The following CLSPN variants were observed in gnomAD, a reference collection of about 807,000 sequenced individuals.
CLSPN encodes the protein claspin homolog.
CLSPN carries 85 observed loss-of-function variants against 156.3 expected under a neutral mutation model. The ratio of observed to expected loss-of-function variants is 0.54; its 90% confidence interval spans 0.46 to 0.65. The LOEUF (loss-of-function observed/expected upper bound fraction) is 0.65, where lower values mean the gene tolerates loss of function less well. Ranked by LOEUF, CLSPN falls within the 30% of genes least tolerant of loss-of-function variation. The pLI is 0.00. For synonymous variants in CLSPN, 534 were observed against 542.4 expected (o/e 0.98, Z 0.22); for missense variants, 1,407 against 1,554.9 (o/e 0.90, Z 1.60).
At chr1:35,738,919 G>A (rs1216341724) in intron 20 of CLSPN, among the ~76,000 whole-genome samples, 6 of 151,012 alleles carry the variant, frequency 4.0e-5, no homozygotes, top group Non-Finnish European at 8.8e-5. Flanking sequence ...TCCTGCCTCA[G>A]CCTCCTGAGT....
intron 18 of CLSPN, among the ~76,000 whole-genome samples, chr1:35,742,340 TGAG>T (rs1228206010): frequency 6.6e-6 from 1 of 152,166 alleles, no homozygotes; most frequent in Non-Finnish European, 1.5e-5. Flanking sequence ...AACTGTAAAA[TGAG>T]GAGAATAATA....
At chr1:35,753,617 G>A in intron 9 of CLSPN, 128 bp downstream of exon 9, 1 of 826,700 alleles carries the variant, frequency 1.2e-6, no homozygotes, top group Non-Finnish European at 1.9e-6. Flanking sequence ...TCATGCCAGA[G>A]ATACTGCTCT....
chr1:35,733,940 A>G lies in CLSPN; in HGVS notation c.*2556T>C, dbSNP rs1429961559. The G allele has an allele frequency of 4.4e-6, 4 of 904,212 alleles. No homozygotes were observed. The highest frequency in any genetic ancestry group is 1.8e-5 in the African/African-American group (1 of 55,586). The allele number at this position is 904,212 out of a possible 1,614,324, so 56.0% of individuals were successfully genotyped here. A position where few individuals can be genotyped will look rare whatever the true frequency, so the allele number is the denominator to read the frequency against. ...GGGTACAGTGAGCTATGATTGTGCCACTGCACTCTAACCTGGGCAACAGAA... is the reference window on the plus strand; with the variant it reads ...GGGTACAGTGAGCTATGATTGTGCCGCTGCACTCTAACCTGGGCAACAGAA... On this transcript the variant is annotated 3_prime_UTR_variant, in exon 25 of 25. Transcript: ENST00000318121.
Position 35,732,331 on chromosome 1 carries a change from C to T in CLSPN, c.*4165G>A, listed in dbSNP as rs1248760278. On this transcript the variant is annotated 3_prime_UTR_variant, in exon 25 of 25. Coordinates refer to ENST00000318121, the MANE Select transcript of CLSPN (RefSeq NM_022111.4). ...ATGCCACAAGAGTGATTAGACATAA[C>T]CCTAGGAGATAAAAACCAAAAACAC... The T allele has an allele frequency of 1.0e-6, 1 of 985,340 alleles. No individual in the cohort carries two copies. Among genetic ancestry groups the T allele is most frequent in the East Asian group, 1.1e-4 (1 of 8,814 alleles). 61.0% of individuals were successfully genotyped at this position (985,340 alleles called of 1,614,324 possible).
intron 24 of CLSPN, 111 bp downstream of exon 24, chr1:35,736,803 A>C (rs1641490244): frequency 7.3e-7 from 1 of 1,362,290 alleles, no homozygotes; most frequent in Middle Eastern, 2.5e-4. Flanking sequence ...GGGGAGTGCA[A>C]GATTTCAACA....
chr1:35,760,216 C>A (rs1642425766), intron 8 of CLSPN, 126 bp downstream of exon 8: 1 of 699,752 alleles, frequency 1.4e-6, no homozygotes, highest in Non-Finnish European at 2.3e-6. Flanking sequence ...ATATCTGGAA[C>A]AACTGCAGGA....
chr1:35,734,584 G>T lies in CLSPN; in HGVS notation c.*1912C>A. 3.1e-6 allele frequency: 1 copy of T among 327,188 alleles called. No individual in the cohort carries two copies. The highest frequency in any genetic ancestry group is 4.4e-6 in the Non-Finnish European group (1 of 229,024). The allele number at this position is 327,188 out of a possible 1,614,324, so 20.3% of individuals were successfully genotyped here. A position where few individuals can be genotyped will look rare whatever the true frequency, so the allele number is the denominator to read the frequency against. Reference sequence around the variant, plus strand: ...TAATCCCTGCTATTTGGGAGGCCGAGGCAGAATTGCTTGAACCTAGGAGGC... The same window carrying T: ...TAATCCCTGCTATTTGGGAGGCCGATGCAGAATTGCTTGAACCTAGGAGGC... On this transcript the variant is annotated 3_prime_UTR_variant, in exon 25 of 25. Transcript: ENST00000318121.
At chr1:35,766,109 C>T (rs1356339759) in intron 1 of CLSPN, among the ~76,000 whole-genome samples, 1 of 150,938 alleles carries the variant, frequency 6.6e-6, no homozygotes, top group Non-Finnish European at 1.5e-5. Context: ...ATTCTCCTGC[C>T]TCAGCCTCCT....
In CLSPN at chr1:35,736,420, G is replaced by T. The variant is rs1641473537; in HGVS notation, c.*76C>A. 6.1e-6 allele frequency: 9 copies of T among 1,483,736 alleles called. No individual in the cohort carries two copies. Among genetic ancestry groups the T allele is most frequent in the South Asian group, 1.5e-5 (1 of 65,524 alleles). The allele number at this position is 1,483,736 out of a possible 1,614,324, so 91.9% of individuals were successfully genotyped here. On this transcript the variant is annotated 3_prime_UTR_variant, in exon 25 of 25. Coordinates refer to ENST00000318121, the MANE Select transcript of CLSPN (RefSeq NM_022111.4). Reference sequence around the variant, plus strand: ...TGAAAGAAGGAAGGATCATTGGCTGGAGTGTCAATTCCAACTTTCAGTGCT... The same window carrying T: ...TGAAAGAAGGAAGGATCATTGGCTGTAGTGTCAATTCCAACTTTCAGTGCT...
At chr1:35,764,913 G>A (rs534021832) in intron 2 of CLSPN, among the ~76,000 whole-genome samples, 199 bp from the exon 3 acceptor site, 1 of 152,202 alleles carries the variant, frequency 6.6e-6, no homozygotes, top group South Asian at 2.1e-4. Flanking sequence ...GTCTCTTACT[G>A]GGAAATGTAA....
intron 8 of CLSPN, among the ~76,000 whole-genome samples, chr1:35,759,980 C>T (rs755259535): frequency 6.6e-6 from 1 of 151,940 alleles, no homozygotes; most frequent in East Asian, 1.9e-4. Context: ...ACTACAGATG[C>T]GTGCCACCAT....
Position 35,739,423 on chromosome 1 carries a change from T to G in CLSPN, c.3250A>C (p.Ile1084Leu). The change falls in exon 19 of 25, where the codon ATT becomes CTT. Residue 1084 changes from isoleucine to leucine, a missense_variant. Physicochemically the swap from Ile to Leu is conservative, Grantham distance 5. Transcript: ENST00000318121. ...TCATCAGAAGGAAGTACTTCATCAA[T>G]TACGTCCTCTTCATATTCATCAATT... ...EEIDEYEEDV[I>L]DEVLPSDEEL... 6.2e-7 allele frequency: 1 copy of G among 1,614,072 alleles called. No homozygotes were observed. The highest frequency in any genetic ancestry group is 8.5e-7 in the Non-Finnish European group (1 of 1,179,986).
rs769019990 is a variant in CLSPN at position 35,760,479 on chromosome 1, G to A, written c.1442C>T (p.Ser481Leu). 1.1e-5 allele frequency: 18 copies of A among 1,614,048 alleles called. No homozygotes were observed. The highest frequency in any genetic ancestry group is 1.4e-5 in the Non-Finnish European group (17 of 1,180,048). ...VEEPEQQNKS[S>L]AVGPPEKVRR... ...CACTTTTTCAGGTGGCCCAACTGCT[G>A]ATGATTTATTTTGCTGCTCAGGCTC... Residue 481 changes from serine to leucine, a missense_variant, in exon 8 of 25, where the codon TCA (serine) becomes TTA (leucine). This residue lies in a region of CLSPN where 1,096 missense variants were observed against 1,193.0 expected (regional missense o/e 0.92). Coordinates refer to ENST00000318121, the MANE Select transcript of CLSPN (RefSeq NM_022111.4).
In CLSPN at chr1:35,732,375, G is replaced by A; in HGVS notation, c.*4121C>T. 1 of 985,326 alleles carries A rather than the reference G, an allele frequency of 1.0e-6. No individual in the cohort carries two copies. The highest frequency in any genetic ancestry group is 1.2e-6 in the Non-Finnish European group (1 of 829,912). 61.0% of individuals were successfully genotyped at this position (985,326 alleles called of 1,614,324 possible). A position where few individuals can be genotyped will look rare whatever the true frequency, so the allele number is the denominator to read the frequency against. On this transcript the variant is annotated 3_prime_UTR_variant, in exon 25 of 25. Coordinates refer to ENST00000318121, the MANE Select transcript of CLSPN (RefSeq NM_022111.4). ...AAAACACCCCCTAAAAAGTCTCCCAGCCTGAGCATTAGAAACTCTCAAAGT... is the reference window on the plus strand; with the variant it reads ...AAAACACCCCCTAAAAAGTCTCCCAACCTGAGCATTAGAAACTCTCAAAGT...
intron 8 of CLSPN, among the ~76,000 whole-genome samples, chr1:35,754,269 T>G (rs925296247): frequency 1.3e-5 from 2 of 152,210 alleles, no homozygotes; most frequent in Admixed American, 6.5e-5. Context: ...GAAAAAAGAT[T>G]ATAATCTCAT....
chr1:35,760,980 A>C, intron 7 of CLSPN, 64 bp from the exon 8 acceptor site: 1 of 1,416,996 alleles, frequency 7.1e-7, no homozygotes. Context: ...CTCATCCCTT[A>C]GTATATATCA....
Position 35,732,229 on chromosome 1 carries a change from T to A in CLSPN, c.*4267A>T. On this transcript the variant is annotated 3_prime_UTR_variant, in exon 25 of 25. Coordinates refer to ENST00000318121, the MANE Select transcript of CLSPN (RefSeq NM_022111.4). ...ATACAATACCATCTCAAGGATGACATAATCAAATAGTATCATGGGAACACT... is the reference window on the plus strand; with the variant it reads ...ATACAATACCATCTCAAGGATGACAAAATCAAATAGTATCATGGGAACACT... The A allele has an allele frequency of 1.0e-6, 1 of 985,294 alleles. No homozygotes were observed. Among genetic ancestry groups the A allele is most frequent in the Non-Finnish European group, 1.2e-6 (1 of 829,904 alleles). The allele number at this position is 985,294 out of a possible 1,614,324, so 61.0% of individuals were successfully genotyped here. A position where few individuals can be genotyped will look rare whatever the true frequency, so the allele number is the denominator to read the frequency against.
Position 35,751,133 on chromosome 1 carries a change from T to C in CLSPN, c.2028+117A>G, listed in dbSNP as rs150220650. The C allele has an allele frequency of 6.3e-3, 8,344 of 1,317,272 alleles. 41 individuals are homozygous for C. The highest frequency in any genetic ancestry group is 0.017 in the Middle Eastern group (61 of 3,670). The allele number at this position is 1,317,272 out of a possible 1,614,324, so 81.6% of individuals were successfully genotyped here. On this transcript the variant is annotated intron_variant, in intron 10 of 24. Coordinates refer to ENST00000318121, the MANE Select transcript of CLSPN (RefSeq NM_022111.4). ...GGGATATATGAGGTAGTTACCCTCA[T>C]CATGCCCCTAAAACCTCTTATACAA... is the stretch of plus-strand genomic sequence containing the variant.
intron 18 of CLSPN, among the ~76,000 whole-genome samples, chr1:35,740,743 G>C (rs557158667): frequency 1.5e-4 from 23 of 152,190 alleles, no homozygotes; most frequent in Admixed American, 1.5e-3. Context: ...TTAAAGCTAA[G>C]TTGTTCTAAA....
Sources: allele counts gnomAD v4.1 joint callset (sites outside exome capture counted in the v4.1 genomes callset), GRCh38; gene constraint gnomAD v4.1.1; regional missense constraint gnomAD v4.1.1; transcripts MANE v1.5; gene names NCBI Gene and HGNC (gene_info 2026-07-23, HGNC 2026-07-21).